The following KCNMA1 variants were observed in gnomAD, a reference collection of about 807,000 sequenced individuals.
KCNMA1 encodes the protein potassium calcium-activated channel subfamily M alpha 1, also known as Calcium-activated potassium channel subunit alpha-1.
KCNMA1 carries 29 observed loss-of-function variants against 140.0 expected under a neutral mutation model. The ratio of observed to expected loss-of-function variants is 0.21; its 90% CI spans 0.15 to 0.28. KCNMA1 has a LOEUF of 0.28. Among genes scored for constraint, KCNMA1 ranks in the 10% least tolerant of loss-of-function variants. The pLI is 1.00. For synonymous variants in KCNMA1, 612 were observed against 611.9 expected (o/e 1.00, Z 0.00); for missense variants, 880 against 1,602.2 (o/e 0.55, Z 7.70).
chr10:77,626,443 C>G (rs1232477937), intron 1 of KCNMA1, among the ~76,000 whole-genome samples: 1 of 152,138 alleles, frequency 6.6e-6, no homozygotes, highest in Non-Finnish European at 1.5e-5. Context: ...TAAGCTGTTG[C>G]CAGCTAATGT....
intron 1 of KCNMA1, among the ~76,000 whole-genome samples, chr10:77,499,585 T>C (rs1179855092): frequency 1.3e-5 from 2 of 152,104 alleles, no homozygotes; most frequent in Admixed American, 6.5e-5. Context: ...ATGTCTCCTC[T>C]GCAAAACCCA....
At chr10:76,913,941 C>T in intron 24 of KCNMA1, 1 of 742,308 alleles carries the variant, frequency 1.3e-6, no homozygotes, top group South Asian at 1.7e-5. Flanking sequence ...CAAAGCAGTG[C>T]CATGGGGTAG....
chr10:77,275,775 G>C (rs1287799707), intron 2 of KCNMA1, among the ~76,000 whole-genome samples: 1 of 152,226 alleles, frequency 6.6e-6, no homozygotes, highest in Non-Finnish European at 1.5e-5. Context: ...AGGTAGATGA[G>C]AGGAGCACAG....
At chr10:77,217,452 G>C (rs1565281525) in intron 3 of KCNMA1, 1 of 455,144 alleles carries the variant, frequency 2.2e-6, no homozygotes, top group Non-Finnish European at 4.4e-6. Flanking sequence ...ACATCAACTG[G>C]TATGTATTAA....
intron 2 of KCNMA1, among the ~76,000 whole-genome samples, chr10:77,340,795 G>A (rs1272072871): frequency 2.0e-5 from 3 of 151,536 alleles, no homozygotes; most frequent in Admixed American, 1.3e-4. Context: ...ACACCAACAC[G>A]GCACATGTAT....
chr10:77,157,580 C>A (rs1444019199), intron 5 of KCNMA1, among the ~76,000 whole-genome samples: 1 of 152,034 alleles, frequency 6.6e-6, no homozygotes, highest in Non-Finnish European at 1.5e-5. Context: ...AGGAAGACGT[C>A]CAGACTTGCT....
At chr10:77,059,360 A>G (rs1343210795) in intron 14 of KCNMA1, among the ~76,000 whole-genome samples, 1 of 152,088 alleles carries the variant, frequency 6.6e-6, no homozygotes, top group Non-Finnish European at 1.5e-5. Context: ...CTCATTTTAT[A>G]AAGCCAACAT....
chr10:76,887,709 G>A (rs1040708537), intron 27 of KCNMA1, 194 bp from the exon 28 acceptor site: 4 of 646,202 alleles, frequency 6.2e-6, no homozygotes, highest in Non-Finnish European at 2.6e-6. Context: ...CTCAATAAAG[G>A]AGGCCAGCCA....
At chr10:77,595,526 A>T (rs1325716814) in intron 1 of KCNMA1, among the ~76,000 whole-genome samples, 1 of 152,090 alleles carries the variant, frequency 6.6e-6, no homozygotes, top group Non-Finnish European at 1.5e-5. Flanking sequence ...AACAGTCAGT[A>T]CAGCACACAC....
At chr10:77,557,676 T>C (rs1164292430) in intron 1 of KCNMA1, among the ~76,000 whole-genome samples, 1 of 149,874 alleles carries the variant, frequency 6.7e-6, no homozygotes, top group Non-Finnish European at 1.5e-5. Flanking sequence ...GCATGGAATT[T>C]CGTTCTTGTC....
intron 15 of KCNMA1, among the ~76,000 whole-genome samples, chr10:77,029,081 GAACA>G (rs72514113): frequency 0.011 from 1,655 of 152,004 alleles, 19 homozygotes; most frequent in African/African-American, 0.038. Flanking sequence ...CATGTAAATA[GAACA>G]AATATATAAA....
intron 14 of KCNMA1, among the ~76,000 whole-genome samples, chr10:77,070,107 C>T (rs1287982670): frequency 6.6e-6 from 1 of 152,186 alleles, no homozygotes; most frequent in Non-Finnish European, 1.5e-5. Context: ...TGGGCCAACA[C>T]ACCTGGCCAG....
intron 2 of KCNMA1, among the ~76,000 whole-genome samples, chr10:77,331,627 G>A (rs1185375513): frequency 1.4e-5 from 2 of 145,252 alleles, no homozygotes; most frequent in African/African-American, 5.2e-5. Flanking sequence ...AGACCAGCAT[G>A]GGCCTGTCTC....
At chr10:77,516,386 C>T (rs1237189647) in intron 1 of KCNMA1, among the ~76,000 whole-genome samples, 1 of 152,168 alleles carries the variant, frequency 6.6e-6, no homozygotes, top group Non-Finnish European at 1.5e-5. Context: ...TGCTTGTGCA[C>T]TTATGGCCAC....
At chr10:77,621,418 T>C (rs1370782978) in intron 1 of KCNMA1, among the ~76,000 whole-genome samples, 1 of 152,110 alleles carries the variant, frequency 6.6e-6, no homozygotes, top group Non-Finnish European at 1.5e-5. Flanking sequence ...CCACACCAGG[T>C]TGCACAGGCC....
chr10:76,914,406 G>T, intron 24 of KCNMA1: 1 of 509,336 alleles, frequency 2.0e-6, no homozygotes, highest in Non-Finnish European at 3.5e-6. Context: ...GGCCAGAATG[G>T]CATTTGCTGA....
chr10:77,047,391 A>G (rs1006729603), intron 14 of KCNMA1, among the ~76,000 whole-genome samples: 5 of 152,266 alleles, frequency 3.3e-5, no homozygotes, highest in African/African-American at 1.2e-4. Context: ...AAAAGACTAC[A>G]CCACATGTAA....
At chr10:77,488,467 G>A (rs2098487428) in intron 1 of KCNMA1, among the ~76,000 whole-genome samples, 2 of 152,208 alleles carry the variant, frequency 1.3e-5, no homozygotes, top group African/African-American at 4.8e-5. Context: ...AGGAAGCAAA[G>A]GTGAAAGGGG....
intron 1 of KCNMA1, among the ~76,000 whole-genome samples, chr10:77,439,971 A>G (rs990892370): frequency 2.6e-5 from 4 of 152,246 alleles, no homozygotes; most frequent in Non-Finnish European, 5.9e-5. Context: ...TCCCACGCAC[A>G]GTAAAGACCC....
Sources: allele counts gnomAD v4.1 joint callset (sites outside exome capture counted in the v4.1 genomes callset), GRCh38; gene constraint gnomAD v4.1.1; transcripts MANE v1.5; gene names NCBI Gene and HGNC (gene_info 2026-07-23, HGNC 2026-07-21).